The following RAB6A variants were observed in gnomAD, a reference collection of about 807,000 sequenced individuals.
RAB6A encodes ras-related protein Rab-6A.
In RAB6A, 8 loss-of-function variants were observed where a neutral mutation model predicts 32.3. The observed-to-expected ratio is 0.25, with a 90% CI of 0.15 to 0.45. RAB6A has a LOEUF of 0.45. RAB6A is among the 20% of genes least tolerant of loss of function. The pLI is 1.00. For synonymous variants in RAB6A, 73 were observed against 82.1 expected, an observed-to-expected ratio of 0.89 and a Z score of 0.60; for missense variants, 104 against 249.4, an observed-to-expected ratio of 0.42 and a Z score of 3.93.
At chr11:73,708,478 G>A (rs777518363) in intron 5 of RAB6A, among the ~76,000 whole-genome samples, 2 of 151,802 alleles carry the variant, frequency 1.3e-5, no homozygotes, top group Non-Finnish European at 2.9e-5. Context: ...CGATTTTGTG[G>A]ATTTCTGTAA....
intron 1 of RAB6A, among the ~76,000 whole-genome samples, chr11:73,751,633 C>T (rs1946669870): frequency 6.6e-6 from 1 of 152,254 alleles, no homozygotes; most frequent in Non-Finnish European, 1.5e-5. Context: ...GAAGATAATG[C>T]TGCTGAGAAA....
At chr11:73,742,289 A>T (rs1172655336) in intron 1 of RAB6A, among the ~76,000 whole-genome samples, 1 of 151,746 alleles carries the variant, frequency 6.6e-6, no homozygotes, top group East Asian at 1.9e-4. Context: ...CTCAAAAATA[A>T]ATAAATAAAT....
At chr11:73,732,458 C>T (rs1210342772) in intron 1 of RAB6A, among the ~76,000 whole-genome samples, 2 of 152,166 alleles carry the variant, frequency 1.3e-5, no homozygotes, top group African/African-American at 4.8e-5. Context: ...TGGTGGCGGG[C>T]ACCTGTAGTC....
At chr11:73,737,717 G>T (rs564211811) in intron 1 of RAB6A, among the ~76,000 whole-genome samples, 3 of 151,912 alleles carry the variant, frequency 2.0e-5, no homozygotes, top group African/African-American at 7.3e-5. Context: ...TATTATTGCC[G>T]GGCATGGTGA....
chr11:73,755,093 T>C (rs929384120), intron 1 of RAB6A, among the ~76,000 whole-genome samples: 1 of 151,312 alleles, frequency 6.6e-6, no homozygotes, highest in Non-Finnish European at 1.5e-5. Flanking sequence ...CATGCCAGGC[T>C]AATTTCTTTG....
At chr11:73,718,166 G>A (rs1037524885) in intron 4 of RAB6A, among the ~76,000 whole-genome samples, 7 of 152,196 alleles carry the variant, frequency 4.6e-5, no homozygotes, top group Non-Finnish European at 8.8e-5. Flanking sequence ...TCTACAGAGA[G>A]AGAATGGCTG....
intron 2 of RAB6A, among the ~76,000 whole-genome samples, chr11:73,725,527 T>C (rs575830586): frequency 3.9e-4 from 59 of 152,244 alleles, no homozygotes; most frequent in Admixed American, 1.8e-3. Flanking sequence ...ACAATCATAG[T>C]GGAAGGCGAA....
At chr11:73,728,485 C>T (rs1946255597) in intron 2 of RAB6A, among the ~76,000 whole-genome samples, 2 of 151,658 alleles carry the variant, frequency 1.3e-5, no homozygotes, top group South Asian at 4.2e-4. Context: ...TGTTAAATGA[C>T]ACATAGGTCA....
chr11:73,714,227 T>C lies in RAB6A; in HGVS notation c.401+2024A>G, dbSNP rs1490512042. Among the ~76,000 whole-genome samples, 20 of 140,994 alleles carry C rather than the reference T, an allele frequency of 1.4e-4. No individual in the cohort carries two copies. In the East Asian group the frequency reaches 2.6e-3, roughly 19 times the overall value. 92.5% of individuals were successfully genotyped at this position (140,994 alleles called of 152,430 possible). On this transcript the variant is annotated intron_variant, in intron 5 of 7. Coordinates refer to ENST00000336083, the MANE Select transcript of RAB6A (RefSeq NM_198896.2). ...AAAAAAAAATATATATATATATATA[T>C]ATACACACATATAATTTGACAAGTT...
intron 7 of RAB6A, among the ~76,000 whole-genome samples, chr11:73,678,696 AAACATATTAT>A (rs1945305325): frequency 6.7e-6 from 1 of 150,354 alleles, no homozygotes; most frequent in Non-Finnish European, 1.5e-5. Flanking sequence ...TTTGTTTTTG[AAACATATTAT>A]GTTTTATGTT....
intron 6 of RAB6A, among the ~76,000 whole-genome samples, chr11:73,701,967 T>TA (rs1251394926): frequency 6.6e-6 from 1 of 152,020 alleles, no homozygotes; most frequent in Non-Finnish European, 1.5e-5. Flanking sequence ...GTTCTTTACA[T>TA]ACAAAAAGTC....
intron 1 of RAB6A, among the ~76,000 whole-genome samples, chr11:73,737,017 G>A (rs1565372857): frequency 6.9e-6 from 1 of 145,964 alleles, no homozygotes; most frequent in Non-Finnish European, 1.5e-5. Context: ...AAGAAAACAA[G>A]TGCTGGGACA....
At chr11:73,729,936 G>A (rs1277595654) in intron 2 of RAB6A, 1 of 152,356 alleles carries the variant, frequency 6.6e-6, no homozygotes, top group African/African-American at 2.4e-5. Context: ...CCTCTTCCCT[G>A]AAAACCACAA....
Position 73,677,058 on chromosome 11 carries a change from G to C in RAB6A, c.*840C>G, listed in dbSNP as rs1341445613. 6.0e-6 allele frequency: 1 copy of C among 166,874 alleles called. No homozygotes were observed. The highest frequency in any genetic ancestry group is 1.9e-4 in the East Asian group (1 of 5,208). 10.3% of individuals were successfully genotyped at this position (166,874 alleles called of 1,614,324 possible). ...AAACCTTGGGAGAAACAGTTCATTA[G>C]AACTTCATTTTCTTACCGTGAAGAA... is the stretch of plus-strand genomic sequence containing the variant. On this transcript the variant is annotated 3_prime_UTR_variant, in exon 8 of 8. Transcript: ENST00000336083.
intron 4 of RAB6A, among the ~76,000 whole-genome samples, chr11:73,718,201 G>A (rs1946080077): frequency 6.6e-6 from 1 of 152,186 alleles, no homozygotes; most frequent in Non-Finnish European, 1.5e-5. Context: ...AGAAAAGCTG[G>A]CTAGCAGAAG....
chr11:73,741,066 G>T (rs1042626320), intron 1 of RAB6A, among the ~76,000 whole-genome samples: 1 of 152,088 alleles, frequency 6.6e-6, no homozygotes, highest in South Asian at 2.1e-4. Flanking sequence ...TACAGTATGA[G>T]TTTCCAGCAT....
intron 6 of RAB6A, among the ~76,000 whole-genome samples, chr11:73,681,630 G>A (rs771439254): frequency 2.6e-5 from 4 of 152,138 alleles, no homozygotes; most frequent in Non-Finnish European, 5.9e-5. Context: ...CCAACATGGT[G>A]AAACCCCGTC....
intron 2 of RAB6A, among the ~76,000 whole-genome samples, chr11:73,727,427 T>TC (rs1555063503): frequency 7.2e-5 from 7 of 97,762 alleles, no homozygotes; most frequent in Admixed American, 4.7e-4. Context: ...CTCTATCTCT[T>TC]GGAAAAAAAA....
chr11:73,700,599 A>AATT (rs1555056742), intron 6 of RAB6A, among the ~76,000 whole-genome samples: 1 of 8,442 alleles, frequency 1.2e-4, no homozygotes, highest in Admixed American at 2.0e-3. Flanking sequence ...AAAAAAAAAA[A>AATT]GTGTGTGTGT....
Sources: gnomAD v4.1 joint callset for allele counts (sites outside exome capture counted in the v4.1 genomes callset) on GRCh38, gnomAD v4.1.1 for gene constraint, MANE v1.5 for transcripts, NCBI Gene and HGNC (gene_info 2026-07-23, HGNC 2026-07-21) for gene names.